Variants in SRPK2 observed in about 807,000 individuals in gnomAD.
The protein encoded by SRPK2 is SRSF protein kinase 2.
In SRPK2, 21 loss-of-function variants were observed where a neutral mutation model predicts 90.8. The observed-to-expected ratio is 0.23, with a 90% CI of 0.16 to 0.33. The LOEUF (loss-of-function observed/expected upper bound fraction) is 0.33. Among genes scored for constraint, SRPK2 ranks in the 10% least tolerant of loss-of-function variants. SRPK2 has a pLI of 1.00. For missense variants in SRPK2, 620 were observed against 869.0 expected (o/e 0.71, Z 3.60); for synonymous variants, 288 against 311.1 (o/e 0.93, Z 0.78).
rs546994563 is a variant in SRPK2, at chr7:105,379,527, G to A, written c.71+9121C>T. Among the ~76,000 whole-genome samples the A allele has an allele frequency of 2.6e-5, 4 of 152,232 alleles. No homozygotes were observed. The South Asian group carries it at 8.3e-4, about 32-fold the overall frequency. ...CAGACAAAACTAATCAATAATGATA[G>A]ATATCAAAAAAGTTGTTGCTCCTAG... On this transcript the variant is annotated intron_variant, in intron 2 of 15. Transcript: ENST00000393651.
In SRPK2 at chr7:105,213,763, A is replaced by C. The variant is rs576458838; in HGVS notation, c.72-9978T>G. Among the ~76,000 whole-genome samples the C allele has an allele frequency of 4.6e-5, 7 of 152,320 alleles. No homozygotes were observed. In the East Asian group the frequency reaches 1.3e-3, roughly 29 times the overall value. ...AGGTGCAGAGTGAATAAAATGTCAC[A>C]AAAAAGGAACTGTTTACTAAGACTT... On this transcript the variant is annotated intron_variant, in intron 2 of 15. Transcript: ENST00000393651.
chr7:105,296,430 C>T (rs1311213962), intron 2 of SRPK2, among the ~76,000 whole-genome samples: 1 of 151,044 alleles, frequency 6.6e-6, no homozygotes, highest in East Asian at 1.9e-4. Context: ...CCTCTGAACA[C>T]AAAAGGAAAA....
At chr7:105,226,973 T>C (rs1464159415) in intron 2 of SRPK2, among the ~76,000 whole-genome samples, 3 of 152,124 alleles carry the variant, frequency 2.0e-5, no homozygotes, top group Non-Finnish European at 4.4e-5. Flanking sequence ...GAGCGAGCAG[T>C]GATTTCTGTC....
intron 2 of SRPK2, among the ~76,000 whole-genome samples, chr7:105,350,128 A>ATTT (rs749102424): frequency 7.5e-6 from 1 of 133,598 alleles, no homozygotes; most frequent in Admixed American, 7.7e-5. Flanking sequence ...AGTTGCTATA[A>ATTT]TTTTTTTTTT....
Position 105,317,503 on chromosome 7 carries a change from C to A in SRPK2, c.71+71145G>T, listed in dbSNP as rs116936257. Among the ~76,000 whole-genome samples, 427 of 152,264 alleles carry A rather than the reference C, an allele frequency of 2.8e-3. 11 individuals are homozygous for A. In the East Asian group the frequency reaches 0.055, roughly 20 times the overall value. ...CCAGCAAGGCTTATTAACAGACAAGCCTTGGTTATTCAAATTTGGGAACCT... is the reference window on the plus strand; with the variant it reads ...CCAGCAAGGCTTATTAACAGACAAGACTTGGTTATTCAAATTTGGGAACCT... On this transcript the variant is annotated intron_variant, in intron 2 of 15. Coordinates refer to ENST00000393651, the MANE Select transcript of SRPK2 (RefSeq NM_182692.3).
At chr7:105,141,164 T>C (rs923007265) in intron 11 of SRPK2, among the ~76,000 whole-genome samples, 1 of 152,174 alleles carries the variant, frequency 6.6e-6, no homozygotes, top group African/African-American at 2.4e-5. Context: ...GGAGGATTCA[T>C]CATAGCCAGT....
intron 2 of SRPK2, among the ~76,000 whole-genome samples, chr7:105,259,417 A>G (rs1803861884): frequency 6.6e-6 from 1 of 152,256 alleles, no homozygotes; most frequent in African/African-American, 2.4e-5. Flanking sequence ...TTCCATATTC[A>G]TGGATAGGAA....
intron 14 of SRPK2, among the ~76,000 whole-genome samples, 168 bp from the exon 15 acceptor site, chr7:105,126,508 C>T (rs1411000506): frequency 2.6e-5 from 4 of 152,178 alleles, no homozygotes; most frequent in African/African-American, 4.8e-5. Flanking sequence ...GCCTCAGGCA[C>T]CACCTGGAGC....
intron 2 of SRPK2, among the ~76,000 whole-genome samples, chr7:105,298,351 G>A (rs1388560067): frequency 2.6e-5 from 4 of 152,146 alleles, no homozygotes. Flanking sequence ...CATTGTTATG[G>A]ATGTATCAGA....
chr7:105,387,224 TC>T (rs1233435898), intron 2 of SRPK2, among the ~76,000 whole-genome samples: 1 of 152,226 alleles, frequency 6.6e-6, no homozygotes, highest in Non-Finnish European at 1.5e-5. Context: ...TGGAATTAAA[TC>T]AATGCTTTGA....
intron 2 of SRPK2, among the ~76,000 whole-genome samples, chr7:105,350,379 T>C (rs1181057680): frequency 3.3e-5 from 5 of 151,744 alleles, no homozygotes; most frequent in Non-Finnish European, 5.9e-5. Context: ...TCCACCCACC[T>C]TGGCCTCCCA....
chr7:105,170,951 GAA>G (rs1206621460), intron 3 of SRPK2, among the ~76,000 whole-genome samples: 67 of 35,868 alleles, frequency 1.9e-3, no homozygotes, highest in Non-Finnish European at 3.5e-3. Context: ...AAGAAAGAAA[GAA>G]AGAAAGAAAG....
chr7:105,349,297 C>T (rs1439974039), intron 2 of SRPK2, among the ~76,000 whole-genome samples: 2 of 151,836 alleles, frequency 1.3e-5, no homozygotes, highest in Non-Finnish European at 2.9e-5. Flanking sequence ...CCAAGGTAGG[C>T]GGATCACTGG....
intron 3 of SRPK2, among the ~76,000 whole-genome samples, chr7:105,183,554 C>T (rs1400210470): frequency 6.6e-6 from 1 of 152,010 alleles, no homozygotes. Flanking sequence ...TGGCATGATC[C>T]CAGATCACTG....
intron 3 of SRPK2, among the ~76,000 whole-genome samples, chr7:105,188,484 G>T (rs1015654949): frequency 6.6e-6 from 1 of 152,120 alleles, no homozygotes; most frequent in Non-Finnish European, 1.5e-5. Context: ...TGTTATGTTT[G>T]CAAATTATAT....
At chr7:105,160,160 T>C (rs1365960594) in intron 7 of SRPK2, 1 of 161,252 alleles carries the variant, frequency 6.2e-6, no homozygotes, top group Non-Finnish European at 1.3e-5. Flanking sequence ...CCCAGTAAGT[T>C]ATTTCTTCTA....
chr7:105,151,102 T>A (rs188581122), intron 7 of SRPK2, among the ~76,000 whole-genome samples: 3,039 of 152,054 alleles, frequency 0.02, 101 homozygotes, highest in African/African-American at 0.066. Flanking sequence ...AGATTTTTTT[T>A]AAAAAAAATT....
At chr7:105,291,735 G>C (rs1420695258) in intron 2 of SRPK2, among the ~76,000 whole-genome samples, 2 of 152,086 alleles carry the variant, frequency 1.3e-5, no homozygotes, top group Middle Eastern at 6.8e-3. Context: ...TTTTCAGGGG[G>C]AGGGGGTCTC....
chr7:105,253,857 A>G lies in SRPK2; in HGVS notation c.72-50072T>C, dbSNP rs3801280. Among the ~76,000 whole-genome samples the G allele has an allele frequency of 5.1e-3, 779 of 152,152 alleles. 12 individuals are homozygous for G. The East Asian group carries it at 0.055, about 11-fold the overall frequency. On this transcript the variant is annotated intron_variant, in intron 2 of 15. Transcript: ENST00000393651. ...ATCATGAGGCCATGGTTGAAAAGGT[A>G]AGGTTAGAGAATCTTAATTCCTGTA...
Sources: allele counts gnomAD v4.1 joint callset (sites outside exome capture counted in the v4.1 genomes callset), GRCh38; gene constraint gnomAD v4.1.1; transcripts MANE v1.5; gene names NCBI Gene and HGNC (gene_info 2026-07-23, HGNC 2026-07-21).